PHACTR3: variants seen among roughly 807,000 people sequenced by gnomAD.
The protein encoded by PHACTR3 is protein phosphatase 1, regulatory subunit 123.
Under a neutral mutation model 66.8 loss-of-function variants are expected in PHACTR3, and 16 were observed. The observed-to-expected ratio is 0.24, with a 90% CI of 0.16 to 0.36. The LOEUF (loss-of-function observed/expected upper bound fraction) is 0.36, where lower values mean the gene tolerates loss of function less well. Among genes scored for constraint, PHACTR3 ranks in the 10% least tolerant of loss-of-function variants. The probability of loss-of-function intolerance (pLI) is 1.00; values close to 1 mark genes in which losing one functional copy is unlikely to be tolerated. For missense variants in PHACTR3, 647 were observed against 719.9 expected, an observed-to-expected ratio of 0.90 and a Z score of 1.16; for synonymous variants, 323 against 292.1, an observed-to-expected ratio of 1.11 and a Z score of -1.08.
chr20:59,710,491 T>A (rs757920982), intron 1 of PHACTR3, among the ~76,000 whole-genome samples: 3 of 152,180 alleles, frequency 2.0e-5, no homozygotes, highest in Non-Finnish European at 4.4e-5. Flanking sequence ...AGCAGCGAGT[T>A]CACTGGCTAG....
At chr20:59,599,690 CAAAA>C (rs894214409), upstream of PHACTR3, among the ~76,000 whole-genome samples, 1 of 151,900 alleles carries the variant, frequency 6.6e-6, no homozygotes, top group Non-Finnish European at 1.5e-5. Context: ...AACTAGAAAA[CAAAA>C]CAAAACAAAA....
At chr20:59,803,080 T>G (rs1030052906) in intron 7 of PHACTR3, among the ~76,000 whole-genome samples, 3 of 152,146 alleles carry the variant, frequency 2.0e-5, no homozygotes, top group Non-Finnish European at 4.4e-5. Context: ...GATGACAGTT[T>G]GGGGGGAATG....
chr20:59,785,156 A>G (rs1282427030), intron 7 of PHACTR3, among the ~76,000 whole-genome samples: 5 of 152,148 alleles, frequency 3.3e-5, no homozygotes, highest in Non-Finnish European at 2.9e-5. Context: ...GAAACGACAG[A>G]CGTTTGTTTT....
rs374139181 is a variant in PHACTR3, at chr20:59,728,776, G to A, written c.119-14331G>A. On this transcript the variant is annotated intron_variant, in intron 1 of 12. Coordinates refer to ENST00000371015, the MANE Select transcript of PHACTR3 (RefSeq NM_080672.5). ...CTTCCAAAGTATTTGTTGGGTGCCT[G>A]CTATAGACAAGGTCACTCCAGTGGG... Among the ~76,000 whole-genome samples the A allele has an allele frequency of 6.6e-5, 10 of 151,796 alleles. No individual in the cohort carries two copies. In the East Asian group the frequency reaches 1.4e-3, roughly 21 times the overall value.
intron 1 of PHACTR3, among the ~76,000 whole-genome samples, chr20:59,740,226 ATAT>A (rs1349449332): frequency 1.3e-5 from 2 of 152,128 alleles, no homozygotes; most frequent in Non-Finnish European, 2.9e-5. Context: ...CATATAGATA[ATAT>A]TATTTTACAT....
intron 1 of PHACTR3, among the ~76,000 whole-genome samples, chr20:59,658,747 C>T (rs896219418): frequency 1.3e-5 from 2 of 152,162 alleles, no homozygotes; most frequent in Admixed American, 1.3e-4. Flanking sequence ...ATGTCCAGGG[C>T]GCATGCATTC....
At chr20:59,822,452 T>A (rs1353112484) in intron 8 of PHACTR3, among the ~76,000 whole-genome samples, 1 of 150,052 alleles carries the variant, frequency 6.7e-6, no homozygotes, top group Non-Finnish European at 1.5e-5. Context: ...CAGGTGAACA[T>A]GTGTGTGGCA....
chr20:59,744,129 G>T (rs989406948), intron 2 of PHACTR3, among the ~76,000 whole-genome samples: 8 of 152,250 alleles, frequency 5.3e-5, no homozygotes, highest in Non-Finnish European at 1.0e-4. Context: ...TTGGCATGGA[G>T]GAGCCAACTC....
At chr20:59,793,693 C>G (rs965413501) in intron 7 of PHACTR3, among the ~76,000 whole-genome samples, 1 of 150,746 alleles carries the variant, frequency 6.6e-6, no homozygotes, top group Non-Finnish European at 1.5e-5. Flanking sequence ...TTAGGGTTTT[C>G]TATATAGAAG....
chr20:59,636,140 A>T (rs1191204901), intron 1 of PHACTR3, among the ~76,000 whole-genome samples: 1 of 152,116 alleles, frequency 6.6e-6, no homozygotes, highest in African/African-American at 2.4e-5. Context: ...TTATTTTTTT[A>T]AAAAAGACAT....
At chr20:59,664,906 G>A (rs1412886639) in intron 1 of PHACTR3, among the ~76,000 whole-genome samples, 6 of 152,176 alleles carry the variant, frequency 3.9e-5, no homozygotes, top group South Asian at 2.1e-4. Context: ...TATCCATTGC[G>A]GGCTGGGTGC....
intron 1 of PHACTR3, among the ~76,000 whole-genome samples, chr20:59,728,874 G>A (rs988038874): frequency 3.9e-5 from 6 of 152,020 alleles, no homozygotes; most frequent in Non-Finnish European, 8.8e-5. Flanking sequence ...GGAGAATTTT[G>A]GGTTGGGTGG....
At chr20:59,617,996 G>T (rs547103296) in intron 1 of PHACTR3, among the ~76,000 whole-genome samples, 1 of 152,342 alleles carries the variant, frequency 6.6e-6, no homozygotes, top group Non-Finnish European at 1.5e-5. Flanking sequence ...TGGGGAGGCT[G>T]CCCTGGAGCC....
rs897096151 is a variant in PHACTR3, at chr20:59,760,083, A to G, written c.541+4719A>G. On this transcript the variant is annotated intron_variant, in intron 4 of 12. Coordinates refer to ENST00000371015, the MANE Select transcript of PHACTR3 (RefSeq NM_080672.5). ...TTGCTGGGGGTCGGGGAGAGGGGTC[A>G]TCAAAAAGCACAAGGGGCTGTCCTG... Among the ~76,000 whole-genome samples, 12 of 152,214 alleles carry G rather than the reference A, an allele frequency of 7.9e-5. No homozygotes were observed. In the East Asian group the frequency reaches 2.1e-3, roughly 27 times the overall value.
chr20:59,791,742 C>G (rs1459204849), intron 7 of PHACTR3, among the ~76,000 whole-genome samples: 1 of 122,584 alleles, frequency 8.2e-6, no homozygotes, highest in Non-Finnish European at 1.7e-5. Context: ...CCCCCACCCC[C>G]CACCCCACAA....
intron 1 of PHACTR3, among the ~76,000 whole-genome samples, chr20:59,684,461 C>T (rs941604868): frequency 6.6e-6 from 1 of 152,104 alleles, no homozygotes. Context: ...CTCTTTGTGG[C>T]TGGTCTGGAG....
chr20:59,767,146 G>C (rs1400484531), intron 4 of PHACTR3, 40 bp from the exon 5 acceptor site: 6 of 1,607,594 alleles, frequency 3.7e-6, no homozygotes, highest in Non-Finnish European at 5.1e-6. Flanking sequence ...TGCTGTCAGA[G>C]GAAACATGTT....
intron 1 of PHACTR3, among the ~76,000 whole-genome samples, chr20:59,607,508 G>T (rs998174368): frequency 5.3e-5 from 8 of 152,192 alleles, no homozygotes; most frequent in Non-Finnish European, 7.3e-5. Flanking sequence ...AGAGTCCAAG[G>T]TTGCGTTCAC....
At chr20:59,621,837 G>A (rs1568939732) in intron 1 of PHACTR3, among the ~76,000 whole-genome samples, 1 of 152,136 alleles carries the variant, frequency 6.6e-6, no homozygotes, top group Non-Finnish European at 1.5e-5. Context: ...GAATCACATG[G>A]CACTTAATTT....
Sources: allele counts gnomAD v4.1 joint callset (sites outside exome capture counted in the v4.1 genomes callset), GRCh38; gene constraint gnomAD v4.1.1; transcripts MANE v1.5; gene names NCBI Gene and HGNC (gene_info 2026-07-23, HGNC 2026-07-21).